The following ANAPC10 variants were observed in gnomAD, a reference collection of about 807,000 sequenced individuals.
ANAPC10 encodes the protein anaphase promoting complex subunit 10.
ANAPC10 carries 12 observed loss-of-function variants against 22.0 expected under a neutral mutation model. The ratio of observed to expected loss-of-function variants is 0.55; its 90% CI spans 0.35 to 0.88. The LOEUF (loss-of-function observed/expected upper bound fraction) is 0.88, where lower values mean the gene tolerates loss of function less well. Ranked by LOEUF, ANAPC10 falls within the 40% of genes least tolerant of loss-of-function variation. ANAPC10 has a pLI of 0.01. For synonymous variants in ANAPC10, 65 were observed against 69.5 expected (o/e 0.94, Z 0.32); for missense variants, 188 against 220.9 (o/e 0.85, Z 0.94).
chr4:145,004,652 G>T (rs1001824284), intron 4 of ANAPC10, among the ~76,000 whole-genome samples: 1 of 152,118 alleles, frequency 6.6e-6, no homozygotes, highest in Admixed American at 6.6e-5. Context: ...TACATTTATT[G>T]ATCTGCATGT....
chr4:145,082,876 G>C (rs1005225966), intron 2 of ANAPC10, among the ~76,000 whole-genome samples: 1 of 151,992 alleles, frequency 6.6e-6, no homozygotes. Flanking sequence ...ATTCATTATG[G>C]AACAAATCCA....
At chr4:145,022,918 C>T (rs560902038) in intron 4 of ANAPC10, among the ~76,000 whole-genome samples, 1 of 151,742 alleles carries the variant, frequency 6.6e-6, no homozygotes, top group East Asian at 1.9e-4. Context: ...TACCTGTGCA[C>T]AACATGCAGG....
Position 144,995,111 on chromosome 4 carries a change from CTTTTCTT to C in ANAPC10, c.*255_*261del. 1 of 245,196 alleles carries C rather than the reference CTTTTCTT, an allele frequency of 4.1e-6. No individual in the cohort carries two copies. Among genetic ancestry groups the C allele is most frequent in the Non-Finnish European group, 7.8e-6 (1 of 128,124 alleles). 15.2% of individuals were successfully genotyped at this position (245,196 alleles called of 1,614,324 possible). ...CTCTTTTCTTTTGATACAAGGAACT[CTTTTCTT>C]TTGATACAAGGGAAAATAAAATGAT... On this transcript the variant is annotated 3_prime_UTR_variant, in exon 5 of 5. Transcript: ENST00000507656.
At chr4:145,016,465 A>G (rs1007761675) in intron 4 of ANAPC10, among the ~76,000 whole-genome samples, 1 of 152,234 alleles carries the variant, frequency 6.6e-6, no homozygotes, top group African/African-American at 2.4e-5. Flanking sequence ...TGAACAAAAT[A>G]AAAGAGGACA....
At chr4:145,004,031 T>C (rs1174100652) in intron 4 of ANAPC10, among the ~76,000 whole-genome samples, 1 of 151,878 alleles carries the variant, frequency 6.6e-6, no homozygotes, top group Non-Finnish European at 1.5e-5. Flanking sequence ...TTTTTTTGAG[T>C]AGTATCTTGT....
At chr4:145,022,253 T>A (rs1288354617) in intron 4 of ANAPC10, among the ~76,000 whole-genome samples, 1 of 151,966 alleles carries the variant, frequency 6.6e-6, no homozygotes, top group Non-Finnish European at 1.5e-5. Flanking sequence ...TGGAACCAAC[T>A]CAAATGCCCA....
rs146898058 is a variant in ANAPC10 at position 145,067,014 on chromosome 4, C to T, written c.207-2322G>A. ...CCATGAGTTATTATCGTAAGGTTCA[C>T]GTACCCACAGAAATCGTACGTATAA... is the stretch of plus-strand genomic sequence containing the variant. On this transcript the variant is annotated intron_variant, in intron 3 of 4. Coordinates refer to ENST00000507656, the MANE Select transcript of ANAPC10 (RefSeq NM_001256706.2). Among the ~76,000 whole-genome samples the T allele has an allele frequency of 7.3e-3, 1,097 of 150,936 alleles. 15 individuals carry two copies. Among genetic ancestry groups the T allele is most frequent in the African/African-American group, 0.025 (1,056 of 41,508 alleles).
At chr4:145,084,561 T>C (rs1300936343) in intron 2 of ANAPC10, among the ~76,000 whole-genome samples, 1 of 151,932 alleles carries the variant, frequency 6.6e-6, no homozygotes, top group African/African-American at 2.4e-5. Flanking sequence ...TACACTAACA[T>C]TAACAATAGT....
intron 4 of ANAPC10, among the ~76,000 whole-genome samples, chr4:145,014,313 G>A (rs1467839069): frequency 6.6e-6 from 1 of 151,956 alleles, no homozygotes; most frequent in African/African-American, 2.4e-5. Context: ...TGTGATTGCT[G>A]GCTTTCCCCC....
chr4:145,054,566 A>G (rs989326640), intron 4 of ANAPC10, among the ~76,000 whole-genome samples: 2 of 151,036 alleles, frequency 1.3e-5, no homozygotes, highest in Non-Finnish European at 2.9e-5. Flanking sequence ...CAAAAAAAAA[A>G]AAAAAAACTT....
intron 2 of ANAPC10, among the ~76,000 whole-genome samples, chr4:145,089,303 G>T (rs1747329950): frequency 6.6e-6 from 1 of 151,830 alleles, no homozygotes; most frequent in Admixed American, 6.6e-5. Context: ...TTAACTCAAT[G>T]TCTTCAAAAA....
At chr4:145,025,224 T>G (rs899688356) in intron 4 of ANAPC10, among the ~76,000 whole-genome samples, 2 of 152,192 alleles carry the variant, frequency 1.3e-5, no homozygotes, top group African/African-American at 4.8e-5. Context: ...AAGGCTGTTT[T>G]GCTTTCTTAT....
chr4:145,031,090 C>T (rs1201906673), intron 4 of ANAPC10, among the ~76,000 whole-genome samples: 1 of 152,338 alleles, frequency 6.6e-6, no homozygotes, highest in East Asian at 1.9e-4. Context: ...ATAAGGCCCA[C>T]CAGAAGCAAT....
intron 1 of ANAPC10, 83 bp from the exon 2 acceptor site, chr4:145,096,194 G>T: frequency 7.4e-7 from 1 of 1,359,684 alleles, no homozygotes. Flanking sequence ...AAAATTTAAT[G>T]GAACTCATAT....
rs1046807125 is a variant in ANAPC10 at position 144,998,245 on chromosome 4, C to T, written c.328-2642G>A. Among the ~76,000 whole-genome samples the T allele has an allele frequency of 2.6e-5, 4 of 152,198 alleles. No individual in the cohort carries two copies. In the South Asian group the frequency reaches 6.2e-4, roughly 24 times the overall value. The stretch of plus-strand genomic sequence containing the variant: ...ACCAAGCGGACCTAATAGACATCCA[C>T]AGAACTTTCCACCCCAAATCAACAG... On this transcript the variant is annotated intron_variant, in intron 4 of 4. Coordinates refer to ENST00000507656, the MANE Select transcript of ANAPC10 (RefSeq NM_001256706.2).
At position 144,995,559 on chromosome 4, in the gene ANAPC10, T is replaced by G; in HGVS notation, c.372A>C (p.Leu124Phe). ...VEPSGWIHVP[L>F]TDNHKKPTRT... ...GAGTTGGCTTCTTATGATTGTCAGT[T>G]AAGGGAACATGAATCCAGCCACTTG... Residue 124 changes from leucine to phenylalanine, a missense_variant, in exon 5 of 5, where the codon TTA becomes TTC. By Grantham distance (22) the Leu-to-Phe change is conservative. Coordinates refer to ENST00000507656, the MANE Select transcript of ANAPC10 (RefSeq NM_001256706.2). 1 of 1,613,602 alleles carries G rather than the reference T, an allele frequency of 6.2e-7. No individual in the cohort carries two copies.
chr4:145,019,397 G>C (rs1334524755), intron 4 of ANAPC10, among the ~76,000 whole-genome samples: 1 of 152,092 alleles, frequency 6.6e-6, no homozygotes, highest in Non-Finnish European at 1.5e-5. Flanking sequence ...TGTTCAGACT[G>C]AATGACAATA....
chr4:145,006,215 T>C (rs978038261), intron 4 of ANAPC10, among the ~76,000 whole-genome samples: 8 of 152,136 alleles, frequency 5.3e-5, no homozygotes, highest in African/African-American at 1.4e-4. Context: ...ATGCCCTTTT[T>C]GTCTTTTGTG....
At chr4:145,094,328 G>A (rs905644667) in intron 2 of ANAPC10, among the ~76,000 whole-genome samples, 5 of 152,166 alleles carry the variant, frequency 3.3e-5, no homozygotes, top group African/African-American at 1.2e-4. Context: ...GGCTTGGAAA[G>A]GCCCAGAAGA....
Sources: gnomAD v4.1 joint callset for allele counts (sites outside exome capture counted in the v4.1 genomes callset) on GRCh38, gnomAD v4.1.1 for gene constraint, MANE v1.5 for transcripts, NCBI Gene and HGNC (gene_info 2026-07-23, HGNC 2026-07-21) for gene names.